The following ODF2 variants were observed in gnomAD, a reference collection of about 807,000 sequenced individuals.
ODF2 encodes the protein outer dense fiber of sperm tails 2.
ODF2 carries 47 observed loss-of-function variants against 110.2 expected under a neutral mutation model. The ratio of observed to expected loss-of-function variants is 0.43; its 90% CI spans 0.34 to 0.54. ODF2 has a LOEUF of 0.54. ODF2 is among the 20% of genes least tolerant of loss of function. The pLI is 0.03. For synonymous variants in ODF2, 352 were observed against 397.7 expected (o/e 0.89, Z 1.37); for missense variants, 812 against 1,054.5 (o/e 0.77, Z 3.19).
chr9:128,500,232 C>A, exon 21 of ODF2: 1 of 1,614,182 alleles, frequency 6.2e-7, no homozygotes, highest in Non-Finnish European at 8.5e-7. Flanking sequence ...CTCTCCCATC[C>A]GCTCCCGATC....
chr9:128,496,242 G>A (rs770152064), intron 18 of ODF2, 101 bp downstream of exon 18: 4 of 1,564,914 alleles, frequency 2.6e-6, no homozygotes, highest in African/African-American at 2.7e-5. Context: ...TGAGGGACTC[G>A]AGGCCCTGGA....
intron 13 of ODF2, among the ~76,000 whole-genome samples, 185 bp from the exon 14 acceptor site, chr9:128,487,705 T>A (rs1843645636): frequency 6.6e-6 from 1 of 151,816 alleles, no homozygotes; most frequent in Admixed American, 6.6e-5. Flanking sequence ...GAGAATGGCA[T>A]GAACACGGGA....
chr9:128,498,539 G>A, exon 19 of ODF2: 1 of 1,610,226 alleles, frequency 6.2e-7, no homozygotes, highest in Non-Finnish European at 8.5e-7. Context: ...CCCTGGCAAG[G>A]CAGTTGGAGA....
exon 12 of ODF2, chr9:128,484,711 G>A (rs775525425): frequency 1.8e-5 from 28 of 1,566,506 alleles, no homozygotes; most frequent in African/African-American, 6.8e-5. Flanking sequence ...AATCTGGAGC[G>A]CAGCGGGAAT....
intron 8 of ODF2, among the ~76,000 whole-genome samples, chr9:128,477,108 C>T (rs1690125992): frequency 6.6e-6 from 1 of 150,928 alleles, no homozygotes; most frequent in African/African-American, 2.4e-5. Flanking sequence ...GATGGGTACC[C>T]GTAATATCAA....
intron 2 of ODF2, among the ~76,000 whole-genome samples, chr9:128,458,081 T>A (rs1355574595): frequency 6.6e-6 from 1 of 152,024 alleles, no homozygotes; most frequent in Non-Finnish European, 1.5e-5. Flanking sequence ...GAGGGCAAGA[T>A]GATAATTTTG....
At chr9:128,455,916 G>C (rs1834657663), upstream of ODF2, 2 of 1,378,318 alleles carry the variant, frequency 1.5e-6, no homozygotes, top group South Asian at 1.6e-5. Context: ...GAAAGGCCTT[G>C]AATGGGGGGC....
At position 128,457,588 on chromosome 9, in the gene ODF2, G is replaced by A. The variant is rs1835239488; in HGVS notation, c.32+151G>A. 3.9e-6 allele frequency: 4 copies of A among 1,012,728 alleles called. No individual in the cohort carries two copies. The African/African-American group carries it at 4.9e-5, about 12-fold the overall frequency. 62.7% of individuals were successfully genotyped at this position (1,012,728 alleles called of 1,614,324 possible). ...TTAAAAATCGTTTTTAAAGGGAAGG[G>A]GGAACGAAATGTATACACAATCCTA... On this transcript the variant is annotated intron_variant, in intron 2 of 20. Coordinates refer to ENST00000604420, the Ensembl canonical transcript of ODF2.
intron 4 of ODF2, among the ~76,000 whole-genome samples, chr9:128,465,755 A>T (rs796806412): frequency 2.0e-5 from 3 of 151,648 alleles, no homozygotes; most frequent in East Asian, 1.9e-4. Context: ...AAAAAAAAAA[A>T]GTGATCTATT....
rs776173747 is a variant in ODF2, at chr9:128,459,589, G to A, written c.55G>A (p.Gly19Arg). The A allele has an allele frequency of 3.1e-6, 5 of 1,613,876 alleles. No homozygotes were observed. In the East Asian group the frequency reaches 6.7e-5, roughly 22 times the overall value. The change falls in exon 3 of 21, where the codon GGA becomes AGA. Residue 19 changes from glycine (G) to arginine (R), a missense_variant. Coordinates refer to ENST00000604420, the Ensembl canonical transcript of ODF2. The stretch of plus-strand genomic sequence containing the variant: ...CAGGTTTCCATCGTGTGGGAAGAAC[G>A]GAGTAACGAGTCTCACGCAGAAAAA...
chr9:128,480,519 T>C (rs1842195422), intron 8 of ODF2, among the ~76,000 whole-genome samples: 1 of 152,202 alleles, frequency 6.6e-6, no homozygotes, highest in Non-Finnish European at 1.5e-5. Context: ...AAAGCTGTTT[T>C]TAAAAATCAA....
chr9:128,458,461 CAAA>C (rs55782363), intron 2 of ODF2, among the ~76,000 whole-genome samples: 4 of 72,844 alleles, frequency 5.5e-5, no homozygotes, highest in Admixed American at 1.5e-4. Flanking sequence ...GACTCTATCT[CAAA>C]AAAAAAAAAA....
chr9:128,477,563 T>C (rs1213027242), intron 8 of ODF2, among the ~76,000 whole-genome samples: 2 of 151,814 alleles, frequency 1.3e-5, no homozygotes, highest in African/African-American at 4.8e-5. Context: ...ATTATATATA[T>C]ATATAACAAG....
intron 20 of ODF2, 150 bp from the exon 21 acceptor site, chr9:128,499,917 A>AT: frequency 1.4e-6 from 1 of 712,678 alleles, no homozygotes; most frequent in Non-Finnish European, 2.3e-6. Flanking sequence ...GTCTTAGAAT[A>AT]TTTTCAGAAA....
intron 1 of ODF2, chr9:128,456,997 C>T (rs1835041117): frequency 1.6e-6 from 2 of 1,251,688 alleles, no homozygotes; most frequent in East Asian, 8.8e-5. Flanking sequence ...CCTCTGGGGC[C>T]CACTTGGGGC....
At chr9:128,491,755 A>G (rs1251761410) in intron 14 of ODF2, among the ~76,000 whole-genome samples, 2 of 152,308 alleles carry the variant, frequency 1.3e-5, no homozygotes, top group South Asian at 2.1e-4. Context: ...TAAGTATAGT[A>G]TAGTCTCATT....
At chr9:128,497,140 T>C (rs1011395817) in intron 18 of ODF2, among the ~76,000 whole-genome samples, 2 of 151,850 alleles carry the variant, frequency 1.3e-5, no homozygotes, top group African/African-American at 4.8e-5. Flanking sequence ...GAACATGTTA[T>C]TAGTTAGCTG....
intron 8 of ODF2, among the ~76,000 whole-genome samples, chr9:128,475,093 C>T (rs1220349425): frequency 1.2e-5 from 1 of 81,372 alleles, no homozygotes; most frequent in East Asian, 3.6e-4. Flanking sequence ...TACATATTTA[C>T]TGAACACCTA....
chr9:128,483,922 T>C lies in ODF2; in HGVS notation c.988-16T>C, dbSNP rs762876650. On this transcript the variant is annotated splice_polypyrimidine_tract_variant and intron_variant, in intron 10 of 20. Transcript: ENST00000604420. ...CAAAAAATTGTGCCTCCATCACTTT[T>C]TCCGTCTCTCCACAGGCTCAAGCAA... 1 of 1,588,146 alleles carries C rather than the reference T, an allele frequency of 6.3e-7. No individual in the cohort carries two copies. The highest frequency in any genetic ancestry group is 2.2e-5 in the East Asian group (1 of 44,722).
Sources: allele counts gnomAD v4.1 joint callset (sites outside exome capture counted in the v4.1 genomes callset), GRCh38; gene constraint gnomAD v4.1.1; transcripts MANE v1.5; gene names NCBI Gene and HGNC (gene_info 2026-07-23, HGNC 2026-07-21).